CYP20A1: variants seen among roughly 807,000 people sequenced by gnomAD.
CYP20A1 encodes the protein cytochrome P450 20A1.
CYP20A1 carries 61 observed loss-of-function variants against 61.4 expected under a neutral mutation model. That is an observed-to-expected ratio of 0.99 (90% CI 0.81 to 1.23). CYP20A1 has a LOEUF of 1.23. Ranked by LOEUF, CYP20A1 falls within the 50% of genes most tolerant of loss-of-function variation. The pLI, the probability that CYP20A1 is intolerant of heterozygous loss-of-function variation, is 0.00. For synonymous variants in CYP20A1, 193 were observed against 188.2 expected (o/e 1.03, Z -0.21); for missense variants, 530 against 542.4 (o/e 0.98, Z 0.23).
rs1364872078 is a variant in CYP20A1, at chr2:203,297,205, A to G, written c.*297A>G. 2 of 195,272 alleles carry G rather than the reference A, an allele frequency of 1.0e-5. No homozygotes were observed. The highest frequency in any genetic ancestry group is 1.0e-5 in the Non-Finnish European group (1 of 95,720). 12.1% of individuals were successfully genotyped at this position (195,272 alleles called of 1,614,324 possible). ...TATTCTTTTTCTTAGTGTGAGCTCT[A>G]AAATCAATGTTCTTGAAAAAGAAAT... On this transcript the variant is annotated 3_prime_UTR_variant, in exon 13 of 13. Coordinates refer to ENST00000356079, the MANE Select transcript of CYP20A1 (RefSeq NM_177538.3).
At position 203,299,512 on chromosome 2, in the gene CYP20A1, T is replaced by C. The variant is rs1260329858; in HGVS notation, c.*2604T>C. Among the ~76,000 whole-genome samples, 2 of 152,156 alleles carry C rather than the reference T, an allele frequency of 1.3e-5. No individual in the cohort carries two copies. The highest frequency in any genetic ancestry group is 4.8e-5 in the African/African-American group (2 of 41,446). On this transcript the variant is annotated 3_prime_UTR_variant, in exon 13 of 13. Coordinates refer to ENST00000356079, the MANE Select transcript of CYP20A1 (RefSeq NM_177538.3). Reference sequence around the variant, plus strand: ...ACATTTTAGACCTAGTCATTACCAGTTAACATAGAATTTAATTGGATGCAG... The same window carrying C: ...ACATTTTAGACCTAGTCATTACCAGCTAACATAGAATTTAATTGGATGCAG...
At chr2:203,280,552 T>G (rs2152094929) in intron 8 of CYP20A1, among the ~76,000 whole-genome samples, 1 of 152,240 alleles carries the variant, frequency 6.6e-6, no homozygotes, top group South Asian at 2.1e-4. Flanking sequence ...AAAATAACAA[T>G]TAGCTGGGTG....
Position 203,292,393 on chromosome 2 carries a change from CCTAA to C in CYP20A1, c.1148+70_1148+73del, listed in dbSNP as rs1229334808. The C allele has an allele frequency of 5.1e-5, 59 of 1,163,546 alleles. 1 individual carries two copies. In the South Asian group the frequency reaches 5.3e-4, roughly 11 times the overall value. The allele number at this position is 1,163,546 out of a possible 1,614,324, so 72.1% of individuals were successfully genotyped here. A position where few individuals can be genotyped will look rare whatever the true frequency, so the allele number is the denominator to read the frequency against. ...GTGTTTGCACGTTTTGCATTCCTTT[CCTAA>C]CTGTTGAGTAGAAAACTCAATATGT... On this transcript the variant is annotated intron_variant, in intron 11 of 12. Transcript: ENST00000356079.
intron 4 of CYP20A1, among the ~76,000 whole-genome samples, chr2:203,256,351 A>C (rs988653800): frequency 2.0e-5 from 3 of 151,444 alleles, no homozygotes; most frequent in Non-Finnish European, 2.9e-5. Context: ...TGTTTTATTT[A>C]TTTATTTTTA....
intron 7 of CYP20A1, among the ~76,000 whole-genome samples, chr2:203,279,342 G>A (rs2067953405): frequency 6.6e-6 from 1 of 152,120 alleles, no homozygotes; most frequent in Non-Finnish European, 1.5e-5. Flanking sequence ...TGAGGCAGCT[G>A]TATATTATTT....
At chr2:203,277,484 A>T (rs2067871924) in intron 6 of CYP20A1, among the ~76,000 whole-genome samples, 2 of 151,990 alleles carry the variant, frequency 1.3e-5, no homozygotes, top group African/African-American at 4.8e-5. Flanking sequence ...AGTTATTGAT[A>T]TCTTTTAGGT....
chr2:203,290,301 GAC>G (rs2068479499), intron 10 of CYP20A1, among the ~76,000 whole-genome samples: 1 of 152,082 alleles, frequency 6.6e-6, no homozygotes, highest in South Asian at 2.1e-4. Flanking sequence ...TTAAATAAAA[GAC>G]ACAATTATTT....
intron 12 of CYP20A1, 81 bp downstream of exon 12, chr2:203,296,644 G>A (rs764835203): frequency 1.3e-4 from 178 of 1,401,832 alleles, no homozygotes; most frequent in Non-Finnish European, 1.6e-4. Context: ...TATGATTAAA[G>A]TATTATTTTT....
At chr2:203,289,988 T>C (rs2068465629) in intron 10 of CYP20A1, 112 bp downstream of exon 10, 1 of 390,310 alleles carries the variant, frequency 2.6e-6, no homozygotes, top group South Asian at 8.0e-5. Context: ...TCACCCAGGC[T>C]GGAGTGCAAT....
chr2:203,277,272 C>T (rs1252134149), intron 6 of CYP20A1, among the ~76,000 whole-genome samples: 3 of 151,108 alleles, frequency 2.0e-5, no homozygotes, highest in East Asian at 2.0e-4. Context: ...CGTTTGAACC[C>T]GGGAGGTGGA....
In CYP20A1 at chr2:203,242,042, G is replaced by A. The variant is rs922616986; in HGVS notation, c.72+2908G>A. 1.2e-4 allele frequency among the ~76,000 whole-genome samples: 18 copies of A among 152,162 alleles called. No individual in the cohort carries two copies. The East Asian group carries it at 1.5e-3, about 13-fold the overall frequency. ...TTTTTAGTAGAGACAAGATTTCACCGTGTTGGCCAGGCTGGTTTCGAACTC... is the reference window on the plus strand; with the variant it reads ...TTTTTAGTAGAGACAAGATTTCACCATGTTGGCCAGGCTGGTTTCGAACTC... On this transcript the variant is annotated intron_variant, in intron 1 of 12. Coordinates refer to ENST00000356079, the MANE Select transcript of CYP20A1 (RefSeq NM_177538.3).
intron 11 of CYP20A1, among the ~76,000 whole-genome samples, chr2:203,295,255 A>G (rs1457953082): frequency 6.6e-6 from 1 of 151,796 alleles, no homozygotes; most frequent in Non-Finnish European, 1.5e-5. Context: ...AAAAATTTTT[A>G]ATAGAGATGA....
In CYP20A1 at chr2:203,294,027, A is replaced by G. The variant is rs1359164197; in HGVS notation, c.1148+1701A>G. On this transcript the variant is annotated intron_variant, in intron 11 of 12. Coordinates refer to ENST00000356079, the MANE Select transcript of CYP20A1 (RefSeq NM_177538.3). ...GAGACAGGGTCATGCTCTGTCACCC[A>G]GGCTGGAGTGCAGTGATGTAAACAC... Among the ~76,000 whole-genome samples, 9 of 152,124 alleles carry G rather than the reference A, an allele frequency of 5.9e-5. No homozygotes were observed. The East Asian group carries it at 1.7e-3, about 29-fold the overall frequency.
intron 4 of CYP20A1, among the ~76,000 whole-genome samples, chr2:203,264,059 G>A (rs2067238865): frequency 6.6e-6 from 1 of 152,098 alleles, no homozygotes; most frequent in South Asian, 2.1e-4. Context: ...CTGGAATGCA[G>A]TGGTGTGATC....
At chr2:203,273,579 CA>C (rs1332248670) in intron 6 of CYP20A1, among the ~76,000 whole-genome samples, 1 of 152,098 alleles carries the variant, frequency 6.6e-6, no homozygotes, top group African/African-American at 2.4e-5. Context: ...ATGAGAGGAT[CA>C]CTTCAGCTCA....
In CYP20A1 at chr2:203,252,090, ACT is replaced by A; in HGVS notation, c.414_415del (p.Phe139CysfsTer13). On this transcript the variant is annotated frameshift_variant, in exon 4 of 13. Transcript: ENST00000356079. LOFTEE classifies it high-confidence loss of function. ...GGTGTGACTGATTCTCTGAAGAGTA[ACT>A]TTGCCCTCCTCCTAAAGGTAAGGTG... is the stretch of plus-strand genomic sequence containing the variant. 6.2e-7 allele frequency: 1 copy of A among 1,608,014 alleles called. No homozygotes were observed. The highest frequency in any genetic ancestry group is 8.5e-7 in the Non-Finnish European group (1 of 1,176,732).
At chr2:203,265,501 C>A (rs948106702) in intron 4 of CYP20A1, among the ~76,000 whole-genome samples, 2 of 152,136 alleles carry the variant, frequency 1.3e-5, no homozygotes, top group Non-Finnish European at 2.9e-5. Context: ...TTGTCATGCA[C>A]CCACATTCTG....
intron 11 of CYP20A1, among the ~76,000 whole-genome samples, chr2:203,294,430 G>A (rs13028366): frequency 0.38 from 57,326 of 151,504 alleles, 11,339 homozygotes; most frequent in East Asian, 0.63. Flanking sequence ...CCAGCTACTC[G>A]GGAGGCTGAG....
rs2068934462 is a variant in CYP20A1, at chr2:203,299,422, ATC to A, written c.*2518_*2519del. Among the ~76,000 whole-genome samples, 1 of 151,844 alleles carries A rather than the reference ATC, an allele frequency of 6.6e-6. No homozygotes were observed. On this transcript the variant is annotated 3_prime_UTR_variant, in exon 13 of 13. Coordinates refer to ENST00000356079, the MANE Select transcript of CYP20A1 (RefSeq NM_177538.3). Reference sequence around the variant, plus strand: ...AACCTGAGTGATAAAGTGAGACCCTATCTCTTAAAAAAAAAAATCCCTTTGTT... The same window carrying A: ...AACCTGAGTGATAAAGTGAGACCCTATCTTAAAAAAAAAAATCCCTTTGTT...
Sources: allele counts gnomAD v4.1 joint callset (sites outside exome capture counted in the v4.1 genomes callset), GRCh38; gene constraint gnomAD v4.1.1; transcripts MANE v1.5; gene names NCBI Gene and HGNC (gene_info 2026-07-23, HGNC 2026-07-21).